CAPSL: variants seen among roughly 807,000 people sequenced by gnomAD.
The protein encoded by CAPSL is calcyphosine like, also known as calcyphosin-like protein.
A neutral mutation model predicts 21.3 loss-of-function variants in CAPSL; 17 were observed. That is an observed-to-expected ratio of 0.80 (90% CI 0.55 to 1.20). CAPSL has a LOEUF of 1.20. CAPSL is among the 50% of genes most tolerant of loss of function. The pLI is 0.00. For missense variants in CAPSL, 289 were observed against 259.3 expected (o/e 1.11, Z -0.79); for synonymous variants, 102 against 89.3 (o/e 1.14, Z -0.80).
intron 1 of CAPSL, among the ~76,000 whole-genome samples, chr5:35,937,199 C>T (rs1291056227): frequency 1.3e-5 from 2 of 152,208 alleles, no homozygotes; most frequent in African/African-American, 2.4e-5. Context: ...GCCCTCTGTA[C>T]TTTGTCTTTC....
intron 1 of CAPSL, among the ~76,000 whole-genome samples, chr5:35,922,118 G>A (rs1317807446): frequency 3.3e-5 from 5 of 150,894 alleles, no homozygotes; most frequent in African/African-American, 9.7e-5. Flanking sequence ...CCCTGGCTTC[G>A]AGGCTCCCTC....
At chr5:35,933,725 A>C (rs1162019214) in intron 1 of CAPSL, among the ~76,000 whole-genome samples, 4 of 152,234 alleles carry the variant, frequency 2.6e-5, no homozygotes, top group Non-Finnish European at 5.9e-5. Context: ...GAACTTCCAA[A>C]GAAAGTAAGA....
intron 1 of CAPSL, among the ~76,000 whole-genome samples, chr5:35,929,229 TC>T (rs1209238000): frequency 6.6e-6 from 1 of 151,794 alleles, no homozygotes; most frequent in African/African-American, 2.4e-5. Flanking sequence ...AGGTTACTTG[TC>T]TGAGAATGCG....
At position 35,921,095 on chromosome 5, in the gene CAPSL, C is replaced by T. The variant is rs749872923; in HGVS notation, c.26G>A (p.Arg9Gln). Residue 9 changes from arginine to glutamine, a missense_variant, in exon 2 of 5, where the codon CGA (arginine) becomes CAA (glutamine). By Grantham distance (43) the Arg-to-Gln change is conservative (BLOSUM62 1). Transcript: ENST00000651391. MAGTARHD[R>Q]EMAIQAKKKL... ...TTTCTTGGCCTGGATCGCCATCTCT[C>T]GGTCATGGCGCGCTGTCCCTGCCAT... 30 of 1,613,886 alleles carry T rather than the reference C, an allele frequency of 1.9e-5. No homozygotes were observed. The Middle Eastern group carries it at 4.9e-4, about 27-fold the overall frequency.
chr5:35,904,512 G>T lies in CAPSL; in HGVS notation c.*33C>A, dbSNP rs1833907. 361,081 of 1,476,648 alleles carry T rather than the reference G, an allele frequency of 0.24. 45,843 individuals are homozygous for T. Among genetic ancestry groups the T allele is most frequent in the African/African-American group, 0.34 (24,400 of 71,622 alleles). The allele number at this position is 1,476,648 out of a possible 1,614,324, so 91.5% of individuals were successfully genotyped here. On this transcript the variant is annotated 3_prime_UTR_variant, in exon 5 of 5. Coordinates refer to ENST00000651391, the MANE Select transcript of CAPSL (RefSeq NM_001042625.2). ...ACATTTAGTCATTTGGAGCCACATG[G>T]CTGTCCCAGGGCCTGGTCCCCAGGT... is the stretch of plus-strand genomic sequence containing the variant.
intron 1 of CAPSL, among the ~76,000 whole-genome samples, chr5:35,927,716 A>G (rs1250607223): frequency 2.0e-5 from 3 of 152,186 alleles, no homozygotes; most frequent in Non-Finnish European, 4.4e-5. Flanking sequence ...GACTTGGTGG[A>G]CCTTTCAATA....
rs537700494 is a variant in CAPSL at position 35,915,956 on chromosome 5, A to G, written c.137+5028T>C. 1.5e-3 allele frequency among the ~76,000 whole-genome samples: 231 copies of G among 152,308 alleles called. 1 individual carries two copies. Among genetic ancestry groups the G allele is most frequent in the Non-Finnish European group, 2.5e-3 (167 of 68,024 alleles). ...TTGCAGATGACATGATTGTATATCTAGAAAACCCCATCGTCTCAGCCCAAA... is the reference window on the plus strand; with the variant it reads ...TTGCAGATGACATGATTGTATATCTGGAAAACCCCATCGTCTCAGCCCAAA... On this transcript the variant is annotated intron_variant, in intron 2 of 4. Transcript: ENST00000651391.
intron 2 of CAPSL, among the ~76,000 whole-genome samples, chr5:35,917,733 G>T (rs1483813892): frequency 6.6e-6 from 1 of 152,164 alleles, no homozygotes; most frequent in Non-Finnish European, 1.5e-5. Context: ...AAGGGAGGGG[G>T]AAGTGATAGC....
chr5:35,923,712 A>G (rs1442322218), intron 1 of CAPSL, among the ~76,000 whole-genome samples: 1 of 151,742 alleles, frequency 6.6e-6, no homozygotes, highest in East Asian at 1.9e-4. Context: ...ATTCATAGAG[A>G]CAGAAAGCAA....
intron 2 of CAPSL, among the ~76,000 whole-genome samples, chr5:35,915,626 T>C (rs930305221): frequency 1.3e-5 from 2 of 152,154 alleles, no homozygotes; most frequent in Admixed American, 1.3e-4. Context: ...ATTATCTCAA[T>C]AGATGCAGAA....
At chr5:35,919,800 C>T (rs996033273) in intron 2 of CAPSL, among the ~76,000 whole-genome samples, 8 of 152,102 alleles carry the variant, frequency 5.3e-5, no homozygotes, top group African/African-American at 1.2e-4. Context: ...TAGGATGGAA[C>T]GGTGTCCATT....
intron 1 of CAPSL, among the ~76,000 whole-genome samples, chr5:35,933,443 T>C (rs973976452): frequency 1.4e-4 from 21 of 152,172 alleles, no homozygotes; most frequent in African/African-American, 5.1e-4. Context: ...GCAGGGCCTG[T>C]TGCATCTGCC....
chr5:35,928,394 C>G (rs956586442), intron 1 of CAPSL, among the ~76,000 whole-genome samples: 2 of 152,154 alleles, frequency 1.3e-5, no homozygotes, highest in African/African-American at 2.4e-5. Context: ...CCCGAAGAGA[C>G]TGAAATTGAA....
chr5:35,920,700 G>A (rs1231457680), intron 2 of CAPSL, among the ~76,000 whole-genome samples: 2 of 152,104 alleles, frequency 1.3e-5, no homozygotes, highest in African/African-American at 4.8e-5. Flanking sequence ...GTCCTGGTAG[G>A]CATCTCCATG....
rs761357208 is a variant in CAPSL at position 35,909,872 on chromosome 5, A to T, written c.519T>A (p.Asp173Glu). The stretch of plus-strand genomic sequence containing the variant: ...ATTAGGCTCTTTTACTTACCAATCC[A>T]TCTTTGTCATAGGGTGAATCAAAGT... ...LDNFDSPYDK[D>E]GLVTPEEFMN... The change falls in exon 4 of 5, where the codon GAT becomes GAA. Residue 173 changes from aspartate (D) to glutamate (E), a missense_variant. By Grantham distance (45) the Asp-to-Glu change is conservative. Transcript: ENST00000651391. 4.4e-6 allele frequency: 7 copies of T among 1,608,932 alleles called. No individual in the cohort carries two copies. The highest frequency in any genetic ancestry group is 1.7e-5 in the Admixed American group (1 of 58,958).
At chr5:35,931,024 C>T (rs1225959575) in intron 1 of CAPSL, among the ~76,000 whole-genome samples, 1 of 152,222 alleles carries the variant, frequency 6.6e-6, no homozygotes, top group African/African-American at 2.4e-5. Flanking sequence ...AGAGCCCTGA[C>T]ATCATCGAGC....
intron 2 of CAPSL, among the ~76,000 whole-genome samples, chr5:35,915,941 C>CCCTGT (rs1738373963): frequency 2.6e-5 from 4 of 152,158 alleles, no homozygotes; most frequent in Admixed American, 6.5e-5. Flanking sequence ...TTGCAGATGA[C>CCCTGT]ATGATTGTAT....
chr5:35,928,462 G>A (rs898712488), intron 1 of CAPSL, among the ~76,000 whole-genome samples: 4 of 152,212 alleles, frequency 2.6e-5, no homozygotes, highest in Non-Finnish European at 5.9e-5. Flanking sequence ...AGATAAGAGT[G>A]TGTGTCAGTG....
chr5:35,904,341 CAGTCTT>C lies in CAPSL; in HGVS notation c.*198_*203del. 1.7e-6 allele frequency: 1 copy of C among 576,516 alleles called. No homozygotes were observed. The highest frequency in any genetic ancestry group is 3.1e-6 in the Non-Finnish European group (1 of 324,542). 35.7% of individuals were successfully genotyped at this position (576,516 alleles called of 1,614,324 possible). A position where few individuals can be genotyped will look rare whatever the true frequency, so the allele number is the denominator to read the frequency against. The stretch of plus-strand genomic sequence containing the variant: ...AAGTCCTATTTTAGAACAAAGGAAA[CAGTCTT>C]AGGCAAGGCAAACTCACAGTTGGCT... On this transcript the variant is annotated 3_prime_UTR_variant, in exon 5 of 5. Coordinates refer to ENST00000651391, the MANE Select transcript of CAPSL (RefSeq NM_001042625.2).
Sources: gnomAD v4.1 joint callset for allele counts (sites outside exome capture counted in the v4.1 genomes callset) on GRCh38, gnomAD v4.1.1 for gene constraint, MANE v1.5 for transcripts, NCBI Gene and HGNC (gene_info 2026-07-23, HGNC 2026-07-21) for gene names.